The following SLC6A13 variants were observed in gnomAD, a reference collection of about 807,000 sequenced individuals.
SLC6A13 encodes solute carrier family 6 member 13.
In SLC6A13, 69 loss-of-function variants were observed where a neutral mutation model predicts 72.9. The ratio of observed to expected loss-of-function variants is 0.95; its 90% CI spans 0.78 to 1.16. The LOEUF is 1.16. Ranked by LOEUF, SLC6A13 falls within the 50% of genes most tolerant of loss-of-function variation. SLC6A13 has a pLI of 0.00. For synonymous variants in SLC6A13, 303 were observed against 303.0 expected (o/e 1.00, Z 0.00); for missense variants, 735 against 760.5 (o/e 0.97, Z 0.39).
chr12:236,588 T>C (rs1591838752), intron 6 of SLC6A13, among the ~76,000 whole-genome samples: 1 of 152,232 alleles, frequency 6.6e-6, no homozygotes, highest in East Asian at 1.9e-4. Context: ...TGAATGACAT[T>C]TGGCATTCTC....
chr12:226,139 G>T lies in SLC6A13; in HGVS notation c.1060+251C>A, dbSNP rs115578871. ...TTTCTGGAAGGATAAACATGAAATA[G>T]ATAACATTGGCTGCTTCCAGGGTAA... On this transcript the variant is annotated intron_variant, in intron 9 of 14. Transcript: ENST00000343164. Among the ~76,000 whole-genome samples the T allele has an allele frequency of 7.5e-3, 1,145 of 152,264 alleles. 14 individuals are homozygous for T. The highest frequency in any genetic ancestry group is 0.025 in the African/African-American group (1,045 of 41,546).
intron 2 of SLC6A13, chr12:259,623 G>A: frequency 7.0e-7 from 1 of 1,425,030 alleles, no homozygotes; most frequent in South Asian, 1.6e-5. Context: ...GTTCCAGCTT[G>A]TGCTCATATT....
At position 250,833 on chromosome 12, in the gene SLC6A13, C is replaced by CAAAAAAAAAA. The variant is rs71045051; in HGVS notation, c.203-7030_203-7021dup. ...ATGATAAGGACCCAAAATAGCCCCC[C>CAAAAAAAAAA]AAAAAAAAAAAAAAAAAAACCTAAA... On this transcript the variant is annotated intron_variant, in intron 2 of 14. Coordinates refer to ENST00000343164, the MANE Select transcript of SLC6A13 (RefSeq NM_016615.5). Among the ~76,000 whole-genome samples, 47 of 82,572 alleles carry CAAAAAAAAAA rather than the reference C, an allele frequency of 5.7e-4. 2 individuals are homozygous for CAAAAAAAAAA. In the East Asian group the frequency reaches 7.4e-3, roughly 13 times the overall value. 54.2% of individuals were successfully genotyped at this position (82,572 alleles called of 152,430 possible).
At chr12:242,807 A>G in intron 3 of SLC6A13, 53 bp from the exon 4 acceptor site, 2 of 1,536,028 alleles carry the variant, frequency 1.3e-6, no homozygotes, top group Middle Eastern at 1.7e-4. Context: ...GGTGGCGTGC[A>G]CCTGTCATTT....
At chr12:256,062 CCACACT>C (rs1942732853) in intron 2 of SLC6A13, among the ~76,000 whole-genome samples, 1 of 152,124 alleles carries the variant, frequency 6.6e-6, no homozygotes, top group African/African-American at 2.4e-5. Flanking sequence ...CCACCCACAC[CCACACT>C]CCTGATCCCC....
chr12:256,439 G>A (rs1942749116), intron 2 of SLC6A13: 1 of 152,188 alleles, frequency 6.6e-6, no homozygotes, highest in Admixed American at 6.5e-5. Context: ...TATTTACCCA[G>A]GAGATGGTGG....
chr12:256,981 G>A (rs1942767953), intron 2 of SLC6A13, among the ~76,000 whole-genome samples: 1 of 152,122 alleles, frequency 6.6e-6, no homozygotes, highest in Non-Finnish European at 1.5e-5. Context: ...GAGGAAAGGG[G>A]TCCAACCAAT....
chr12:262,024 TAACTGGTCCC>T (rs1416500814), intron 1 of SLC6A13, among the ~76,000 whole-genome samples: 1 of 152,162 alleles, frequency 6.6e-6, no homozygotes, highest in Non-Finnish European at 1.5e-5. Flanking sequence ...GAAACTCAAG[TAACTGGTCCC>T]AAGAGGGCTC....
intron 7 of SLC6A13, 42 bp downstream of exon 7, chr12:235,048 G>A: frequency 6.2e-7 from 1 of 1,612,494 alleles, no homozygotes. Context: ...AAGCTCAGTT[G>A]CCCTGGGAGT....
intron 2 of SLC6A13, chr12:258,874 C>A (rs112621757): frequency 2.9e-5 from 28 of 969,362 alleles, no homozygotes; most frequent in African/African-American, 2.8e-4. Flanking sequence ...AAAAAGAGAG[C>A]CTATACTAGA....
chr12:262,732 C>T (rs1464993756), intron 1 of SLC6A13, 57 bp downstream of exon 1: 1 of 982,834 alleles, frequency 1.0e-6, no homozygotes, highest in Non-Finnish European at 1.2e-6. Context: ...ATGGATCCCA[C>T]CAACCTGCAG....
At chr12:235,943 C>T (rs922554258) in intron 6 of SLC6A13, among the ~76,000 whole-genome samples, 1 of 152,178 alleles carries the variant, frequency 6.6e-6, no homozygotes, top group Non-Finnish European at 1.5e-5. Context: ...GCAGTACCCT[C>T]AGGTTTACTA....
At chr12:242,535 G>A (rs774063414) in intron 4 of SLC6A13, 79 bp downstream of exon 4, 13 of 1,276,612 alleles carry the variant, frequency 1.0e-5, no homozygotes, top group African/African-American at 5.9e-5. Context: ...CGTGTTAAGC[G>A]GGGATATAGT....
At chr12:237,747 A>G (rs1462182562) in intron 5 of SLC6A13, among the ~76,000 whole-genome samples, 179 bp downstream of exon 5, 1 of 152,246 alleles carries the variant, frequency 6.6e-6, no homozygotes, top group South Asian at 2.1e-4. Context: ...GGAGAACTGC[A>G]GAAGTCTCAT....
intron 2 of SLC6A13, 166 bp downstream of exon 2, chr12:259,685 T>A (rs1431443457): frequency 6.7e-7 from 1 of 1,492,552 alleles, no homozygotes; most frequent in Admixed American, 2.4e-5. Context: ...CACGTAACCT[T>A]TCTAGGTCTT....
chr12:242,441 C>T (rs1396306987), intron 4 of SLC6A13, among the ~76,000 whole-genome samples, 173 bp downstream of exon 4: 2 of 152,226 alleles, frequency 1.3e-5, no homozygotes, highest in Non-Finnish European at 2.9e-5. Context: ...AAGTTCCTGA[C>T]ATTTGCCTGT....
chr12:226,480 T>A lies in SLC6A13; in HGVS notation c.970A>T (p.Thr324Ser). The A allele has an allele frequency of 6.2e-7, 1 of 1,613,982 alleles. No homozygotes were observed. ...CIALCFLNSG[T>S]SFVAGFAIFS... ...ATGGCAAAGCCGGCCACAAAGCTGG[T>A]GCCGCTGTTGAGGAAGCAGAGGGCG... Residue 324 changes from threonine to serine, a missense_variant, in exon 9 of 15, where the codon ACC (threonine) becomes TCC (serine). Thr to Ser is a moderately conservative substitution (Grantham distance 58). Transcript: ENST00000343164.
intron 2 of SLC6A13, chr12:253,508 C>T (rs55657100): frequency 0.11 from 16,632 of 152,342 alleles, 1,032 homozygotes; most frequent in Non-Finnish European, 0.14. Flanking sequence ...TTCCTTGCTG[C>T]CAAGGGAATC....
At chr12:222,949 C>T (rs1175665477) in intron 12 of SLC6A13, among the ~76,000 whole-genome samples, 183 bp downstream of exon 12, 6 of 152,006 alleles carry the variant, frequency 3.9e-5, no homozygotes, top group Admixed American at 2.0e-4. Context: ...AGACTGTGGG[C>T]AAGGCAGCTT....
Sources: gnomAD v4.1 joint callset for allele counts (sites outside exome capture counted in the v4.1 genomes callset) on GRCh38, gnomAD v4.1.1 for gene constraint, MANE v1.5 for transcripts, NCBI Gene and HGNC (gene_info 2026-07-23, HGNC 2026-07-21) for gene names.